Variants in GRIP1 observed in about 807,000 individuals in gnomAD.
The protein encoded by GRIP1 is glutamate receptor-interacting protein 1.
Under a neutral mutation model 129.9 loss-of-function variants are expected in GRIP1, and 45 were observed. The observed-to-expected ratio is 0.35, with a 90% CI of 0.27 to 0.44. The LOEUF is 0.44. Ranked by LOEUF, GRIP1 falls within the 20% of genes least tolerant of loss-of-function variation. The pLI is 1.00. For synonymous variants in GRIP1, 530 were observed against 520.8 expected (o/e 1.02, Z -0.24); for missense variants, 1,196 against 1,396.8 (o/e 0.86, Z 2.29).
Position 67,019,029 on chromosome 12 carries a change from G to C in GRIP1, c.58+50021C>G, listed in dbSNP as rs80329281. On this transcript the variant is annotated intron_variant, in intron 1 of 1. Coordinates refer to the GRIP1 transcript ENST00000643019. ...TGACTTAAATTCACATTATTAAATG[G>C]GGCTGATAACAGGTTTTTTCACAAA... Among the ~76,000 whole-genome samples the C allele has an allele frequency of 3.9e-3, 596 of 152,140 alleles. 14 individuals carry two copies. In the East Asian group the frequency reaches 0.056, roughly 14 times the overall value.
intron 22 of GRIP1, among the ~76,000 whole-genome samples, chr12:66,375,084 A>G (rs2055721543): frequency 6.6e-6 from 1 of 152,196 alleles, no homozygotes; most frequent in Non-Finnish European, 1.5e-5. Context: ...AACAAAAAAT[A>G]GTTAAAGCAG....
intron 1 of GRIP1, among the ~76,000 whole-genome samples, chr12:66,993,538 C>A (rs1050297410): frequency 8.6e-5 from 13 of 151,912 alleles, no homozygotes; most frequent in Admixed American, 2.6e-4. Flanking sequence ...TGCCTGTAAT[C>A]CCAGCACTTT....
intron 1 of GRIP1, among the ~76,000 whole-genome samples, chr12:66,899,829 T>C (rs534938915): frequency 9.2e-5 from 14 of 152,304 alleles, no homozygotes; most frequent in Admixed American, 3.3e-4. Flanking sequence ...AAAATCTCCA[T>C]ATTCACAGGA....
At chr12:66,423,207 G>C (rs2137863364) in intron 14 of GRIP1, among the ~76,000 whole-genome samples, 1 of 152,322 alleles carries the variant, frequency 6.6e-6, no homozygotes, top group East Asian at 1.9e-4. Context: ...ATATGTGCTT[G>C]AGCACAAAGT....
intron 1 of GRIP1, among the ~76,000 whole-genome samples, chr12:67,041,751 T>G (rs1386677828): frequency 6.7e-6 from 1 of 150,268 alleles, no homozygotes; most frequent in East Asian, 1.9e-4. Context: ...AGAAATTTTA[T>G]GAAAGAAAAG....
chr12:66,418,948 A>G (rs538431738), intron 15 of GRIP1, among the ~76,000 whole-genome samples: 24 of 152,316 alleles, frequency 1.6e-4, no homozygotes, highest in African/African-American at 5.3e-4. Context: ...TTGGGTATAT[A>G]CCCAAAAGAA....
rs1481039213 is a variant in GRIP1, at chr12:66,353,420, T to C, written c.3156A>G (p.Leu1052=). 6.2e-6 allele frequency: 10 copies of C among 1,609,630 alleles called. No individual in the cohort carries two copies. Among genetic ancestry groups the C allele is most frequent in the Non-Finnish European group, 8.5e-6 (10 of 1,175,940 alleles). The part of the protein sequence containing the change: ...LGGLKPYDRL[L]QVNHVRTRDF... ...AAAATTCCACCTGAGGTCTTACCTG[T>C]AAGAGCCTGTCATAGGGCTTTAAGC... Residue 1052 remains leucine, a synonymous_variant, in exon 24 of 25, where the codon TTA becomes TTG. Coordinates refer to ENST00000359742, the MANE Select transcript of GRIP1 (RefSeq NM_001366722.1).
intron 1 of GRIP1, among the ~76,000 whole-genome samples, chr12:66,759,344 C>A (rs1219729088): frequency 6.6e-6 from 1 of 152,222 alleles, no homozygotes; most frequent in Non-Finnish European, 1.5e-5. Flanking sequence ...CTGCACACAG[C>A]ATGGCAACCC....
chr12:66,796,953 A>C (rs1272990912), intron 1 of GRIP1, among the ~76,000 whole-genome samples: 1 of 152,192 alleles, frequency 6.6e-6, no homozygotes, highest in Non-Finnish European at 1.5e-5. Flanking sequence ...AATTCAGCTC[A>C]GTTTCTACAT....
chr12:66,690,082 C>T (rs1430923006), intron 1 of GRIP1, among the ~76,000 whole-genome samples: 1 of 151,874 alleles, frequency 6.6e-6, no homozygotes, highest in Non-Finnish European at 1.5e-5. Context: ...TCACACATGG[C>T]TAATTTCTTC....
At chr12:66,401,170 T>A (rs2056973687) in intron 16 of GRIP1, among the ~76,000 whole-genome samples, 3 of 152,172 alleles carry the variant, frequency 2.0e-5, no homozygotes, top group African/African-American at 2.4e-5. Context: ...TTGGCCATTG[T>A]TAAATAAAGC....
At chr12:66,772,665 T>A (rs1367872721) in intron 1 of GRIP1, among the ~76,000 whole-genome samples, 2 of 152,322 alleles carry the variant, frequency 1.3e-5, no homozygotes, top group African/African-American at 2.4e-5. Context: ...GGTTCATTGG[T>A]GTGTGTTACC....
intron 7 of GRIP1, among the ~76,000 whole-genome samples, chr12:66,503,929 G>A (rs1260934037): frequency 6.6e-6 from 1 of 152,176 alleles, no homozygotes; most frequent in Non-Finnish European, 1.5e-5. Flanking sequence ...ATCTTTTTGA[G>A]AGTGTATACA....
In GRIP1 at chr12:66,353,583, T is replaced by C; in HGVS notation, c.3013-20A>G. The C allele has an allele frequency of 1.2e-6, 2 of 1,612,502 alleles. No individual in the cohort carries two copies. The highest frequency in any genetic ancestry group is 1.7e-6 in the Non-Finnish European group (2 of 1,178,476). On this transcript the variant is annotated intron_variant, in intron 23 of 24. Coordinates refer to ENST00000359742, the MANE Select transcript of GRIP1 (RefSeq NM_001366722.1). ...GGTCACCTGAAGAGAGAAAATGGGA[T>C]GTGAATATTTAGCTGGGGTGGAGAC...
At chr12:66,642,728 G>A (rs892821151) in intron 1 of GRIP1, among the ~76,000 whole-genome samples, 2 of 152,134 alleles carry the variant, frequency 1.3e-5, no homozygotes, top group Non-Finnish European at 2.9e-5. Context: ...CATTTGGAAG[G>A]ATAAATGAGT....
intron 2 of GRIP1, among the ~76,000 whole-genome samples, chr12:66,588,970 C>A (rs1012122999): frequency 2.9e-5 from 4 of 136,816 alleles, no homozygotes; most frequent in South Asian, 4.7e-4. Flanking sequence ...CCGTGTCCCC[C>A]TCCTACAAAA....
At position 66,349,041 on chromosome 12, in the gene GRIP1, C is replaced by G; in HGVS notation, c.3365G>C (p.Arg1122Pro). 2 of 1,612,442 alleles carry G rather than the reference C, an allele frequency of 1.2e-6. No individual in the cohort carries two copies. Among genetic ancestry groups the G allele is most frequent in the South Asian group, 1.1e-5 (1 of 91,052 alleles). Residue 1122 changes from arginine to proline, a missense_variant, in exon 25 of 25, where the codon CGA becomes CCA. By Grantham distance (103) the Arg-to-Pro change is moderately radical. Around this residue, in one of 5 missense-constraint regions of GRIP1, gnomAD observed 427 missense variants for 463.3 expected, o/e 0.92. Coordinates refer to ENST00000359742, the MANE Select transcript of GRIP1 (RefSeq NM_001366722.1). ...TTGCTATAATGTATTAGTGGGTTCTCGTGTCTCCAAATTACCACCGTGGCT... is the reference window on the plus strand; with the variant it reads ...TTGCTATAATGTATTAGTGGGTTCTGGTGTCTCCAAATTACCACCGTGGCT... Reference protein sequence around the residue: ...QPSHGGNLETREPTNTL With the variant: ...QPSHGGNLETPEPTNTL
At position 66,630,822 on chromosome 12, in the gene GRIP1, C is replaced by T. The variant is rs80321939; in HGVS notation, c.56-33895G>A. On this transcript the variant is annotated intron_variant, in intron 1 of 24. Coordinates refer to ENST00000359742, the MANE Select transcript of GRIP1 (RefSeq NM_001366722.1). ...AGAACTGTCTATTCTTAGGATTTTA[C>T]TGAGATTACATTGTAGAGAAGAAAT... Among the ~76,000 whole-genome samples the T allele has an allele frequency of 1.6e-4, 25 of 152,302 alleles. No individual in the cohort carries two copies. The East Asian group carries it at 3.9e-3, about 23-fold the overall frequency.
At position 66,456,329 on chromosome 12, in the gene GRIP1, C is replaced by G. The variant is rs1252546211; in HGVS notation, c.1056G>C (p.Arg352Ser). The G allele has an allele frequency of 6.2e-6, 8 of 1,288,922 alleles. No homozygotes were observed. In the Admixed American group the frequency reaches 6.9e-5, roughly 11 times the overall value. The allele number at this position is 1,288,922 out of a possible 1,614,324, so 79.8% of individuals were successfully genotyped here. A position where few individuals can be genotyped will look rare whatever the true frequency, so the allele number is the denominator to read the frequency against. The part of the protein sequence containing the change: ...LKGPDHVKIQ[R>S]SDRQLTWDSW... ...AATCCCAGGTAAGTTGCCTGTCGCT[C>G]CTCTGAATTTTCACTGCCCATATGA... Residue 352 changes from arginine to serine, a missense_variant, in exon 10 of 25, where the codon AGG becomes AGC. Physicochemically the swap from Arg to Ser is moderately radical, Grantham distance 110. Transcript: ENST00000359742.
Sources: gnomAD v4.1 joint callset for allele counts (sites outside exome capture counted in the v4.1 genomes callset) on GRCh38, gnomAD v4.1.1 for gene constraint, gnomAD v4.1.1 regional missense constraint, MANE v1.5 for transcripts, NCBI Gene and HGNC (gene_info 2026-07-23, HGNC 2026-07-21) for gene names.